ING3: variants seen among roughly 807,000 people sequenced by gnomAD.
The protein encoded by ING3 is inhibitor of growth protein 3.
Under a neutral mutation model 64.8 loss-of-function variants are expected in ING3, and 6 were observed. The ratio of observed to expected loss-of-function variants is 0.09; its 90% confidence interval spans 0.05 to 0.18. ING3 has a LOEUF of 0.18. Ranked by LOEUF, ING3 falls within the 10% of genes least tolerant of loss-of-function variation. ING3 has a pLI of 1.00. For missense variants in ING3, 310 were observed against 489.7 expected (o/e 0.63, Z 3.46); for synonymous variants, 170 against 173.7 (o/e 0.98, Z 0.17).
chr7:120,956,291 A>G (rs968817607), intron 4 of ING3: 47 of 1,461,704 alleles, frequency 3.2e-5, no homozygotes, highest in Non-Finnish European at 4.1e-5. Context: ...AGAAATAGTC[A>G]TTTCTGTTTT....
chr7:120,961,432 G>C (rs1366320029), intron 4 of ING3, among the ~76,000 whole-genome samples: 1 of 152,186 alleles, frequency 6.6e-6, no homozygotes, highest in Non-Finnish European at 1.5e-5. Context: ...GATAGGGCAA[G>C]CTAGACATCT....
chr7:120,955,736 C>T (rs1020256404), intron 4 of ING3, 112 bp downstream of exon 4: 21 of 702,294 alleles, frequency 3.0e-5, no homozygotes, highest in African/African-American at 2.3e-4. Context: ...TGAAGTATTG[C>T]TCTCTTGATC....
chr7:120,972,278 C>G (rs1343334988), intron 10 of ING3, among the ~76,000 whole-genome samples: 2 of 151,956 alleles, frequency 1.3e-5, no homozygotes, highest in Admixed American at 1.3e-4. Context: ...TTGTCTAGTT[C>G]TTTGCATGCT....
chr7:120,958,891 A>G (rs1432445405), intron 4 of ING3, among the ~76,000 whole-genome samples: 2 of 152,126 alleles, frequency 1.3e-5, no homozygotes, highest in Non-Finnish European at 2.9e-5. Flanking sequence ...CTTACCTTCA[A>G]TTTATTCCTA....
In ING3 at chr7:120,967,934, G is replaced by T; in HGVS notation, c.557G>T (p.Gly186Val). ...TSDASKENTL[G>V]CRNNNSTASS... ...TTATTTCTTTTTTACATCTACACAG[G>T]TTGTCGAAATAATAATTCCACAGCC... Residue 186 changes from glycine (G) to valine (V), a missense_variant and splice_region_variant, in exon 8 of 12, where the codon GGT becomes GTT. By Grantham distance (109) the Gly-to-Val change is moderately radical. Coordinates refer to ENST00000315870, the MANE Select transcript of ING3 (RefSeq NM_019071.3). 6.2e-7 allele frequency: 1 copy of T among 1,613,830 alleles called. No individual in the cohort carries two copies. The highest frequency in any genetic ancestry group is 8.5e-7 in the Non-Finnish European group (1 of 1,179,872).
chr7:120,954,247 G>A (rs1246227784), intron 3 of ING3, among the ~76,000 whole-genome samples: 1 of 152,020 alleles, frequency 6.6e-6, no homozygotes, highest in African/African-American at 2.4e-5. Flanking sequence ...CCAACCTGGT[G>A]AAACCTCGTC....
intron 1 of ING3, 103 bp from the exon 2 acceptor site, chr7:120,951,061 G>C (rs1282018727): frequency 6.6e-7 from 1 of 1,505,500 alleles, no homozygotes; most frequent in African/African-American, 1.4e-5. Flanking sequence ...CAGCCTCGTT[G>C]TGGGCTGCCG....
chr7:120,958,272 T>G (rs1795881440), intron 4 of ING3, among the ~76,000 whole-genome samples: 1 of 152,078 alleles, frequency 6.6e-6, no homozygotes. Flanking sequence ...CTATTTCAGG[T>G]GAACATTATA....
At chr7:120,952,034 TTATGAG>T (rs1287803726) in intron 2 of ING3, among the ~76,000 whole-genome samples, 9 of 152,188 alleles carry the variant, frequency 5.9e-5, no homozygotes, top group Non-Finnish European at 4.4e-5. Context: ...TACCCTTTGC[TTATGAG>T]TATATTTTTC....
chr7:120,953,410 T>C lies in ING3; in HGVS notation c.201+6T>C. 1 of 1,512,108 alleles carries C rather than the reference T, an allele frequency of 6.6e-7. No homozygotes were observed. The highest frequency in any genetic ancestry group is 1.8e-5 in the Admixed American group (1 of 56,246). The allele number at this position is 1,512,108 out of a possible 1,614,324, so 93.7% of individuals were successfully genotyped here. A position where few individuals can be genotyped will look rare whatever the true frequency, so the allele number is the denominator to read the frequency against. On this transcript the variant is annotated splice_donor_region_variant and intron_variant, in intron 3 of 11. Transcript: ENST00000315870. Reference sequence around the variant, plus strand: ...AAATGGCATCCATCAAAAAAGTATGTGCAACACTTTGGATAATTTATCAAG... The same window carrying C: ...AAATGGCATCCATCAAAAAAGTATGCGCAACACTTTGGATAATTTATCAAG...
chr7:120,950,931 G>A lies in ING3; in HGVS notation c.28+7G>A, dbSNP rs894567100. On this transcript the variant is annotated splice_region_variant and intron_variant, in intron 1 of 11. Coordinates refer to ENST00000315870, the MANE Select transcript of ING3 (RefSeq NM_019071.3). ...CTAGAAGACTATCTGGAAAGTGAGT[G>A]CGCGGCGCTGGCGGCGGCCGCCAGT... is the stretch of plus-strand genomic sequence containing the variant. 1 of 1,613,236 alleles carries A rather than the reference G, an allele frequency of 6.2e-7. No individual in the cohort carries two copies. Among genetic ancestry groups the A allele is most frequent in the African/African-American group, 1.3e-5 (1 of 74,816 alleles).
chr7:120,966,299 G>A lies in ING3; in HGVS notation c.365-327G>A, dbSNP rs932204571. 3.3e-5 allele frequency among the ~76,000 whole-genome samples: 5 copies of A among 152,136 alleles called. No individual in the cohort carries two copies. In the East Asian group the frequency reaches 9.6e-4, roughly 29 times the overall value. On this transcript the variant is annotated intron_variant, in intron 5 of 11. Coordinates refer to ENST00000315870, the MANE Select transcript of ING3 (RefSeq NM_019071.3). ...AGTAAAACTAGGTTGACTCTTACCAGTAATGAGATTACAATGTCCATTCAT... is the reference window on the plus strand; with the variant it reads ...AGTAAAACTAGGTTGACTCTTACCAATAATGAGATTACAATGTCCATTCAT...
chr7:120,953,526 T>TATAA (rs1365585813), intron 3 of ING3, 122 bp downstream of exon 3: 8 of 604,940 alleles, frequency 1.3e-5, no homozygotes, highest in Non-Finnish European at 2.3e-5. Flanking sequence ...CTCCTTAGAA[T>TATAA]ATAAATAATT....
chr7:120,951,399 C>T (rs1795762984), intron 2 of ING3, among the ~76,000 whole-genome samples, 164 bp downstream of exon 2: 1 of 152,212 alleles, frequency 6.6e-6, no homozygotes, highest in Non-Finnish European at 1.5e-5. Context: ...TCGCCTTCCC[C>T]TTCCCTCCCA....
chr7:120,956,853 A>G (rs1303807239), intron 4 of ING3: 15 of 937,844 alleles, frequency 1.6e-5, no homozygotes, highest in Non-Finnish European at 1.8e-5. Context: ...TTTTTAATTC[A>G]TATAGCTCTT....
rs758457961 is a variant in ING3, at chr7:120,950,867, C to A, written c.-30C>A. On this transcript the variant is annotated 5_prime_UTR_variant, in exon 1 of 12. Coordinates refer to ENST00000315870, the MANE Select transcript of ING3 (RefSeq NM_019071.3). Reference sequence around the variant, plus strand: ...GAGTGACACAAATAAACCCCTGGACCCCCTTGTTCCCTCAGCTCTAAGGGC... The same window carrying A: ...GAGTGACACAAATAAACCCCTGGACACCCTTGTTCCCTCAGCTCTAAGGGC... 1.9e-6 allele frequency: 3 copies of A among 1,613,348 alleles called. No individual in the cohort carries two copies. The South Asian group carries it at 3.3e-5, about 18-fold the overall frequency.
chr7:120,951,606 A>G (rs1795766818), intron 2 of ING3, among the ~76,000 whole-genome samples: 1 of 152,320 alleles, frequency 6.6e-6, no homozygotes, highest in African/African-American at 2.4e-5. Context: ...CAGCATTTAT[A>G]CTTATTTTAA....
At chr7:120,972,755 G>A (rs999057151) in intron 10 of ING3, among the ~76,000 whole-genome samples, 1 of 152,002 alleles carries the variant, frequency 6.6e-6, no homozygotes, top group African/African-American at 2.4e-5. Flanking sequence ...CTAAAGTGCT[G>A]GTGATGAAGA....
At chr7:120,968,744 G>A (rs912471212) in intron 8 of ING3, among the ~76,000 whole-genome samples, 6 of 150,794 alleles carry the variant, frequency 4.0e-5, no homozygotes, top group Non-Finnish European at 7.4e-5. Flanking sequence ...TACTCGGTAG[G>A]CTATGGCAGG....
Sources: gnomAD v4.1 joint callset for allele counts (sites outside exome capture counted in the v4.1 genomes callset) on GRCh38, gnomAD v4.1.1 for gene constraint, MANE v1.5 for transcripts, NCBI Gene and HGNC (gene_info 2026-07-23, HGNC 2026-07-21) for gene names.